The following FHOD3 variants were observed in gnomAD, a reference collection of about 807,000 sequenced individuals.
The protein encoded by FHOD3 is FH1/FH2 domain-containing protein 3.
A neutral mutation model predicts 173.0 loss-of-function variants in FHOD3; 90 were observed. That is an observed-to-expected ratio of 0.52 (90% CI 0.44 to 0.62). The LOEUF (loss-of-function observed/expected upper bound fraction) is 0.62. Among genes scored for constraint, FHOD3 ranks in the 20% least tolerant of loss-of-function variants. FHOD3 has a pLI of 0.00. For missense variants in FHOD3, 1,945 were observed against 2,034.7 expected, an observed-to-expected ratio of 0.96 and a Z score of 0.85; for synonymous variants, 828 against 823.0, an observed-to-expected ratio of 1.01 and a Z score of -0.10.
intron 9 of FHOD3, among the ~76,000 whole-genome samples, chr18:36,619,983 A>C (rs1470569060): frequency 1.3e-5 from 2 of 152,150 alleles, no homozygotes; most frequent in East Asian, 3.9e-4. Flanking sequence ...AGCCTGGGGG[A>C]CATTGAGATC....
chr18:36,439,552 TG>T (rs1189836751), intron 3 of FHOD3, among the ~76,000 whole-genome samples: 61 of 151,880 alleles, frequency 4.0e-4, no homozygotes, highest in African/African-American at 1.4e-3. Flanking sequence ...TGTGTGTGTG[TG>T]TGTGTGTGTG....
chr18:36,661,192 A>T (rs2036773718), intron 14 of FHOD3, among the ~76,000 whole-genome samples: 1 of 151,646 alleles, frequency 6.6e-6, no homozygotes, highest in African/African-American at 2.4e-5. Context: ...CAAGAATATT[A>T]CATCAGTTGC....
intron 10 of FHOD3, among the ~76,000 whole-genome samples, chr18:36,642,940 A>T (rs1436641206): frequency 6.6e-6 from 1 of 150,894 alleles, no homozygotes; most frequent in Non-Finnish European, 1.5e-5. Context: ...CGTATTTTTT[A>T]AAGTATTACA....
intron 10 of FHOD3, among the ~76,000 whole-genome samples, chr18:36,636,060 T>C (rs1331129442): frequency 6.6e-6 from 1 of 152,206 alleles, no homozygotes. Flanking sequence ...AAGTTCCTAG[T>C]TGAATCTTTT....
chr18:36,672,761 T>C (rs1015360496), intron 14 of FHOD3, among the ~76,000 whole-genome samples: 1 of 152,246 alleles, frequency 6.6e-6, no homozygotes, highest in Non-Finnish European at 1.5e-5. Context: ...AGATTTATTG[T>C]GCAATAAACA....
At chr18:36,310,909 G>A (rs936978124) in intron 1 of FHOD3, among the ~76,000 whole-genome samples, 3 of 152,114 alleles carry the variant, frequency 2.0e-5, no homozygotes, top group Admixed American at 6.5e-5. Context: ...GGAGGGATGT[G>A]GCCTGCAGCA....
intron 6 of FHOD3, among the ~76,000 whole-genome samples, chr18:36,590,934 T>C (rs1358310770): frequency 6.6e-6 from 1 of 152,134 alleles, no homozygotes; most frequent in Non-Finnish European, 1.5e-5. Context: ...TGAGGTGGGC[T>C]AAGGGGCCTT....
intron 5 of FHOD3, among the ~76,000 whole-genome samples, chr18:36,550,221 T>TAC (rs1365512568): frequency 3.5e-5 from 5 of 143,124 alleles, no homozygotes; most frequent in Non-Finnish European, 7.6e-5. Context: ...TGTATATATA[T>TAC]ATATATAGGC....
chr18:36,467,306 A>G (rs2053000537), intron 3 of FHOD3, among the ~76,000 whole-genome samples: 1 of 152,162 alleles, frequency 6.6e-6, no homozygotes, highest in African/African-American at 2.4e-5. Context: ...TTTCTTCTGG[A>G]GAAGTTAGAA....
intron 17 of FHOD3, among the ~76,000 whole-genome samples, chr18:36,703,768 T>C (rs960710038): frequency 6.6e-6 from 1 of 152,164 alleles, no homozygotes; most frequent in Non-Finnish European, 1.5e-5. Flanking sequence ...TCAGGCCGGC[T>C]CGTTCCTCAT....
intron 3 of FHOD3, among the ~76,000 whole-genome samples, chr18:36,421,343 C>A (rs2049974189): frequency 6.6e-6 from 1 of 152,124 alleles, no homozygotes; most frequent in Non-Finnish European, 1.5e-5. Flanking sequence ...AAGCAGTCAC[C>A]AATGAGGCAT....
chr18:36,617,972 T>C (rs1341239320), intron 9 of FHOD3, among the ~76,000 whole-genome samples: 1 of 152,170 alleles, frequency 6.6e-6, no homozygotes, highest in Non-Finnish European at 1.5e-5. Flanking sequence ...TTTATTAGTC[T>C]GTTATGAATA....
intron 2 of FHOD3, among the ~76,000 whole-genome samples, chr18:36,364,340 C>T (rs1326597379): frequency 6.6e-6 from 1 of 152,190 alleles, no homozygotes; most frequent in Admixed American, 6.5e-5. Context: ...GCTCCTTCCA[C>T]TCTTACCATC....
chr18:36,461,377 T>C (rs1023977883), intron 3 of FHOD3, among the ~76,000 whole-genome samples: 7 of 152,146 alleles, frequency 4.6e-5, no homozygotes, highest in Non-Finnish European at 1.0e-4. Context: ...TATTAGATTG[T>C]TACTGGGAAT....
intron 1 of FHOD3, among the ~76,000 whole-genome samples, chr18:36,330,522 G>A (rs369637211): frequency 6.6e-6 from 1 of 152,174 alleles, no homozygotes; most frequent in Non-Finnish European, 1.5e-5. Flanking sequence ...GAGCCTCTGG[G>A]GATGGGCTTT....
intron 3 of FHOD3, among the ~76,000 whole-genome samples, chr18:36,403,897 C>G (rs1028154688): frequency 6.6e-6 from 1 of 152,228 alleles, no homozygotes; most frequent in African/African-American, 2.4e-5. Context: ...GTGACCAGGG[C>G]TGAGAACCAC....
rs2041304144 is a variant in FHOD3 at position 36,730,542 on chromosome 18, A to G, written c.3418-104A>G. On this transcript the variant is annotated intron_variant, in intron 19 of 28. Transcript: ENST00000590592. The stretch of plus-strand genomic sequence containing the variant: ...TCCTTCTCTGAGCTGAACTGGGGCC[A>G]TTTGTTTTCATCTCTAAATAAGTAG... 3.4e-6 allele frequency: 4 copies of G among 1,170,924 alleles called. 1 individual carries two copies. In the Admixed American group the frequency reaches 6.6e-5, roughly 19 times the overall value. The allele number at this position is 1,170,924 out of a possible 1,614,324, so 72.5% of individuals were successfully genotyped here.
chr18:36,722,311 T>G (rs2040833926), intron 19 of FHOD3, among the ~76,000 whole-genome samples: 1 of 152,120 alleles, frequency 6.6e-6, no homozygotes, highest in Admixed American at 6.5e-5. Flanking sequence ...GGAAAGTGAC[T>G]TCCCAACCCT....
chr18:36,501,910 T>C (rs1158168669), intron 3 of FHOD3, 22 bp from the exon 4 acceptor site: 1 of 1,523,572 alleles, frequency 6.6e-7, no homozygotes, highest in Non-Finnish European at 9.0e-7. Flanking sequence ...AATTAATTTA[T>C]ATGTTTTATT....
Sources: allele counts gnomAD v4.1 joint callset (sites outside exome capture counted in the v4.1 genomes callset), GRCh38; gene constraint gnomAD v4.1.1; transcripts MANE v1.5; gene names NCBI Gene and HGNC (gene_info 2026-07-23, HGNC 2026-07-21).